SLC4A10: variants seen among roughly 807,000 people sequenced by gnomAD.
SLC4A10 encodes sodium-driven chloride bicarbonate exchanger.
In SLC4A10, 42 loss-of-function variants were observed where a neutral mutation model predicts 137.7. The observed-to-expected ratio is 0.30, with a 90% confidence interval of 0.24 to 0.39. The LOEUF (loss-of-function observed/expected upper bound fraction) is 0.39, where lower values mean the gene tolerates loss of function less well. SLC4A10 is among the 10% of genes least tolerant of loss of function. The pLI is 1.00. For missense variants in SLC4A10, 925 were observed against 1,355.0 expected, an observed-to-expected ratio of 0.68 and a Z score of 4.98; for synonymous variants, 474 against 464.1, an observed-to-expected ratio of 1.02 and a Z score of -0.27.
intron 3 of SLC4A10, among the ~76,000 whole-genome samples, chr2:161,833,108 A>G (rs758295281): frequency 2.6e-5 from 4 of 152,232 alleles, no homozygotes; most frequent in Non-Finnish European, 5.9e-5. Flanking sequence ...AGGAAAATTT[A>G]TGACTATTAT....
intron 23 of SLC4A10, among the ~76,000 whole-genome samples, chr2:161,966,393 A>G (rs995158707): frequency 3.3e-5 from 5 of 152,220 alleles, no homozygotes; most frequent in African/African-American, 9.6e-5. Context: ...ATGATATTAT[A>G]CAATTGTTAT....
At chr2:161,686,137 T>C (rs2041378573) in intron 1 of SLC4A10, among the ~76,000 whole-genome samples, 1 of 152,098 alleles carries the variant, frequency 6.6e-6, no homozygotes. Context: ...AATGACAAAT[T>C]TGGAAAAAGA....
intron 6 of SLC4A10, among the ~76,000 whole-genome samples, chr2:161,871,086 T>C (rs1457198234): frequency 1.3e-5 from 2 of 151,820 alleles, no homozygotes. Context: ...TTAACCACAG[T>C]TGGTAATTTC....
rs552365086 is a variant in SLC4A10 at position 161,974,616 on chromosome 2, A to G, written c.3227+300A>G. Among the ~76,000 whole-genome samples, 3 of 152,312 alleles carry G rather than the reference A, an allele frequency of 2.0e-5. 1 individual carries two copies. Among genetic ancestry groups the G allele is most frequent in the African/African-American group, 7.2e-5 (3 of 41,588 alleles). ...CATATTCTCAGAAAGTAGCACCAGA[A>G]GACAGATCAAGGTTCCTTTTTTGTA... On this transcript the variant is annotated intron_variant, in intron 24 of 26. Coordinates refer to ENST00000446997, the MANE Select transcript of SLC4A10 (RefSeq NM_001178015.2).
intron 1 of SLC4A10, among the ~76,000 whole-genome samples, chr2:161,687,802 T>C (rs960406227): frequency 6.6e-6 from 1 of 152,164 alleles, no homozygotes; most frequent in Non-Finnish European, 1.5e-5. Context: ...GTGTCTGGCA[T>C]TTCCCCTGCT....
intron 15 of SLC4A10, among the ~76,000 whole-genome samples, chr2:161,912,735 G>A (rs1417717821): frequency 6.6e-6 from 1 of 152,058 alleles, no homozygotes; most frequent in Admixed American, 6.6e-5. Flanking sequence ...GATTTTCATG[G>A]GCAATATCAC....
chr2:161,833,034 C>A (rs1001940134), intron 3 of SLC4A10, among the ~76,000 whole-genome samples: 3 of 152,218 alleles, frequency 2.0e-5, no homozygotes, highest in Non-Finnish European at 4.4e-5. Flanking sequence ...CGTGCGCCAC[C>A]GCGCCCGGCC....
chr2:161,784,507 A>T (rs1209918158), intron 2 of SLC4A10, among the ~76,000 whole-genome samples: 5 of 151,918 alleles, frequency 3.3e-5, no homozygotes, highest in African/African-American at 9.7e-5. Context: ...GCTGAAAAGT[A>T]TGTTTTAAAA....
chr2:161,771,041 A>T lies in SLC4A10; in HGVS notation c.117A>T (p.Lys39Asn), dbSNP rs760278871. 2 of 1,598,668 alleles carry T rather than the reference A, an allele frequency of 1.3e-6. No homozygotes were observed. Among genetic ancestry groups the T allele is most frequent in the South Asian group, 2.3e-5 (2 of 88,558 alleles). The change falls in exon 2 of 27, where the codon AAA (lysine) becomes AAT (asparagine). Residue 39 changes from lysine (K) to asparagine (N), a missense_variant. Transcript: ENST00000446997. ...CTATTCTCAAAACACACTTTGAGAA[A>T]GAAGATTTAGAAGGTAAGACCATTT... ...TRSILKTHFEKEDLEGHRTLF... is the reference protein window; with the variant it reads ...TRSILKTHFENEDLEGHRTLF...
At chr2:161,675,746 A>G (rs988543535) in intron 1 of SLC4A10, among the ~76,000 whole-genome samples, 5 of 152,186 alleles carry the variant, frequency 3.3e-5, no homozygotes, top group African/African-American at 4.8e-5. Context: ...TGTTAAATAT[A>G]AAAGTTAATA....
intron 15 of SLC4A10, among the ~76,000 whole-genome samples, chr2:161,935,360 TTTGTTTTTTGTGGTTATACAAAG>T (rs1472157675): frequency 6.6e-6 from 1 of 152,222 alleles, no homozygotes; most frequent in African/African-American, 2.4e-5. Flanking sequence ...TATTTGGTTA[TTTGTTTTTTGTGGTTATACAAAG>T]TTTAGGATTG....
chr2:161,867,563 A>G (rs912562959), intron 6 of SLC4A10, among the ~76,000 whole-genome samples: 3 of 152,036 alleles, frequency 2.0e-5, no homozygotes, highest in Non-Finnish European at 4.4e-5. Flanking sequence ...CTATATTGTC[A>G]TTACAGTTTT....
intron 3 of SLC4A10, among the ~76,000 whole-genome samples, chr2:161,822,558 G>T (rs1435570580): frequency 6.6e-6 from 1 of 152,120 alleles, no homozygotes; most frequent in Admixed American, 6.5e-5. Flanking sequence ...GAGATAACAG[G>T]CTAATTAAAA....
chr2:161,634,727 CT>C (rs2034134713), intron 1 of SLC4A10, among the ~76,000 whole-genome samples: 1 of 151,912 alleles, frequency 6.6e-6, no homozygotes, highest in Non-Finnish European at 1.5e-5. Context: ...CAAAATCCTT[CT>C]TTTTAGCTAT....
At chr2:161,862,848 A>G (rs1339035490) in intron 5 of SLC4A10, 26 bp from the exon 6 acceptor site, 1 of 1,526,744 alleles carries the variant, frequency 6.5e-7, no homozygotes, top group East Asian at 2.3e-5. Flanking sequence ...AGCTGTGCTT[A>G]TCTTCTTCCG....
chr2:161,738,545 C>G (rs1161865277), intron 1 of SLC4A10, among the ~76,000 whole-genome samples: 1 of 152,144 alleles, frequency 6.6e-6, no homozygotes, highest in East Asian at 1.9e-4. Flanking sequence ...GTGATTTGTA[C>G]AAGAACAGAT....
intron 1 of SLC4A10, among the ~76,000 whole-genome samples, chr2:161,670,164 T>C (rs1050664760): frequency 8.5e-5 from 13 of 152,096 alleles, no homozygotes; most frequent in African/African-American, 3.1e-4. Context: ...ATTATTATTT[T>C]AGTCTTTAGG....
intron 1 of SLC4A10, among the ~76,000 whole-genome samples, chr2:161,645,115 C>T (rs1245937941): frequency 1.3e-5 from 2 of 152,016 alleles, no homozygotes; most frequent in African/African-American, 4.8e-5. Context: ...GCTATATTAA[C>T]CCATAAGTTG....
At chr2:161,781,547 T>C (rs899618611) in intron 2 of SLC4A10, among the ~76,000 whole-genome samples, 3 of 152,188 alleles carry the variant, frequency 2.0e-5, no homozygotes, top group African/African-American at 7.2e-5. Flanking sequence ...GATGAAATCA[T>C]GTTTAATTAT....
Sources: gnomAD v4.1 joint callset for allele counts (sites outside exome capture counted in the v4.1 genomes callset) on GRCh38, gnomAD v4.1.1 for gene constraint, MANE v1.5 for transcripts, NCBI Gene and HGNC (gene_info 2026-07-23, HGNC 2026-07-21) for gene names.